The following NTM variants were observed in gnomAD, a reference collection of about 807,000 sequenced individuals.
The protein encoded by NTM is IgLON family member 2.
In NTM, 13 loss-of-function variants were observed where a neutral mutation model predicts 42.1. That is an observed-to-expected ratio of 0.31 (90% CI 0.20 to 0.49). The LOEUF (loss-of-function observed/expected upper bound fraction) is 0.49. NTM is among the 20% of genes least tolerant of loss of function. NTM has a pLI of 0.99. For missense variants in NTM, 373 were observed against 452.8 expected, an observed-to-expected ratio of 0.82 and a Z score of 1.60; for synonymous variants, 187 against 179.2, an observed-to-expected ratio of 1.04 and a Z score of -0.35.
At chr11:132,231,949 G>A (rs770127025) in intron 4 of NTM, among the ~76,000 whole-genome samples, 1 of 152,182 alleles carries the variant, frequency 6.6e-6, no homozygotes, top group East Asian at 1.9e-4. Flanking sequence ...CAGTGCAGTG[G>A]GAGGAGACCC....
intron 1 of NTM, among the ~76,000 whole-genome samples, chr11:131,602,349 G>T (rs1356817303): frequency 6.6e-6 from 1 of 152,170 alleles, no homozygotes; most frequent in Non-Finnish European, 1.5e-5. Flanking sequence ...GGTGTTCAGA[G>T]CCTGGTCTGG....
At chr11:132,144,953 A>G (rs2137306727) in intron 2 of NTM, among the ~76,000 whole-genome samples, 1 of 152,366 alleles carries the variant, frequency 6.6e-6, no homozygotes, top group South Asian at 2.1e-4. Context: ...AGCAGAAAGG[A>G]TGCACAGTAC....
chr11:132,211,091 A>T (rs1476004491), intron 3 of NTM, among the ~76,000 whole-genome samples: 1 of 152,180 alleles, frequency 6.6e-6, no homozygotes, highest in Non-Finnish European at 1.5e-5. Context: ...AGAAGTATAG[A>T]GGGTAGGGAA....
chr11:132,168,989 A>G, intron 3 of NTM, among the ~76,000 whole-genome samples: 1 of 121,918 alleles, frequency 8.2e-6, no homozygotes, highest in Non-Finnish European at 1.8e-5. Flanking sequence ...GAGTAGGCAA[A>G]TGGTATGCAG....
intron 4 of NTM, among the ~76,000 whole-genome samples, chr11:132,267,988 A>G (rs913631053): frequency 1.3e-5 from 2 of 152,166 alleles, no homozygotes; most frequent in Non-Finnish European, 2.9e-5. Context: ...ACACAACCAC[A>G]AGAACACTGC....
chr11:131,739,539 G>A (rs755325431), intron 1 of NTM, among the ~76,000 whole-genome samples: 7 of 152,142 alleles, frequency 4.6e-5, no homozygotes, highest in African/African-American at 7.2e-5. Context: ...CACACTGGCC[G>A]CCGTTGGCAT....
chr11:131,733,667 C>T (rs911743194), intron 1 of NTM, among the ~76,000 whole-genome samples: 2 of 152,068 alleles, frequency 1.3e-5, no homozygotes, highest in Non-Finnish European at 2.9e-5. Flanking sequence ...TCCCAAGTGG[C>T]TGGGATTACA....
intron 1 of NTM, among the ~76,000 whole-genome samples, chr11:131,807,303 T>G (rs2092547577): frequency 6.6e-6 from 1 of 152,208 alleles, no homozygotes; most frequent in African/African-American, 2.4e-5. Context: ...GGCACTATAT[T>G]TTTTTGAAAG....
chr11:131,934,481 C>T (rs1005077776), intron 2 of NTM, among the ~76,000 whole-genome samples: 1 of 152,164 alleles, frequency 6.6e-6, no homozygotes, highest in Non-Finnish European at 1.5e-5. Flanking sequence ...TTCATTCATT[C>T]ATTGAAATTT....
intron 1 of NTM, among the ~76,000 whole-genome samples, chr11:131,646,441 C>T (rs1446992186): frequency 6.6e-6 from 1 of 152,186 alleles, no homozygotes; most frequent in Non-Finnish European, 1.5e-5. Flanking sequence ...CATTTCTTTT[C>T]TCTTCTACTA....
chr11:132,267,964 G>T (rs1487686105), intron 4 of NTM, among the ~76,000 whole-genome samples: 6 of 151,924 alleles, frequency 3.9e-5, no homozygotes, highest in African/African-American at 1.5e-4. Context: ...CTAATAGAAA[G>T]AAATGATAGT....
At chr11:131,532,472 T>C (rs571383631) in intron 1 of NTM, among the ~76,000 whole-genome samples, 29 of 152,344 alleles carry the variant, frequency 1.9e-4, no homozygotes, top group African/African-American at 6.5e-4. Context: ...TCCTCTGTCA[T>C]AGACACTGGG....
intron 1 of NTM, among the ~76,000 whole-genome samples, chr11:131,606,303 G>A (rs897009495): frequency 6.6e-6 from 1 of 152,156 alleles, no homozygotes; most frequent in Non-Finnish European, 1.5e-5. Flanking sequence ...CGATCCTCCT[G>A]TCTAGGCCTC....
At position 132,189,237 on chromosome 11, in the gene NTM, G is replaced by A. The variant is rs539177136; in HGVS notation, c.401-22785G>A. On this transcript the variant is annotated intron_variant, in intron 3 of 8. Coordinates refer to ENST00000683400, the MANE Select transcript of NTM (RefSeq NM_001352005.2). ...CTTTTTAAGCCTCTAGATAGATCAT[G>A]AAAAATACAGCCAGCTGGGAAAGAA... Among the ~76,000 whole-genome samples, 22 of 152,268 alleles carry A rather than the reference G, an allele frequency of 1.4e-4. No homozygotes were observed. The East Asian group carries it at 3.1e-3, about 21-fold the overall frequency.
chr11:131,565,907 A>C (rs955848709), intron 1 of NTM, among the ~76,000 whole-genome samples: 1 of 152,170 alleles, frequency 6.6e-6, no homozygotes, highest in Non-Finnish European at 1.5e-5. Context: ...ACCCATCTAC[A>C]TAGTCAGGAA....
At chr11:131,552,522 AT>A (rs1217573136) in intron 1 of NTM, among the ~76,000 whole-genome samples, 6 of 149,870 alleles carry the variant, frequency 4.0e-5, no homozygotes, top group Admixed American at 6.6e-5. Context: ...AAAAAAAAAA[AT>A]ACCCTCAAGA....
chr11:132,335,192 C>T lies in NTM; in HGVS notation c.*46C>T. On this transcript the variant is annotated 3_prime_UTR_variant, in exon 9 of 9. Coordinates refer to ENST00000683400, the MANE Select transcript of NTM (RefSeq NM_001352005.2). ...CCGGGAAAGGCTGCCGCCACCACCA[C>T]CACCAACACAACAGCAATGGCAACA... is the stretch of plus-strand genomic sequence containing the variant. 1 of 1,604,626 alleles carries T rather than the reference C, an allele frequency of 6.2e-7. No individual in the cohort carries two copies. Among genetic ancestry groups the T allele is most frequent in the Non-Finnish European group, 8.5e-7 (1 of 1,176,384 alleles).
At chr11:131,716,767 ACT>A (rs1372169189) in intron 1 of NTM, among the ~76,000 whole-genome samples, 1 of 151,940 alleles carries the variant, frequency 6.6e-6, no homozygotes, top group Non-Finnish European at 1.5e-5. Flanking sequence ...GCATTTCTGA[ACT>A]CTGTTTTATT....
chr11:132,010,313 G>C (rs1439253945), intron 2 of NTM, among the ~76,000 whole-genome samples: 1 of 152,148 alleles, frequency 6.6e-6, no homozygotes, highest in Non-Finnish European at 1.5e-5. Context: ...TGGTAACTCC[G>C]ATGGTGGAGA....
Sources: allele counts gnomAD v4.1 joint callset (sites outside exome capture counted in the v4.1 genomes callset), GRCh38; gene constraint gnomAD v4.1.1; transcripts MANE v1.5; gene names NCBI Gene and HGNC (gene_info 2026-07-23, HGNC 2026-07-21).